NR2F1-AS1: variants seen among roughly 807,000 people sequenced by gnomAD.
The protein encoded by NR2F1-AS1 is NR2F1 antisense RNA 1.
At chr5:93,413,545 G>A (rs1748906790) in intron 4 of NR2F1-AS1, among the ~76,000 whole-genome samples, 1 of 152,138 alleles carries the variant, frequency 6.6e-6, no homozygotes, top group Non-Finnish European at 1.5e-5. Context: ...ACTTCTCTGA[G>A]CTGAGCTCAT....
At chr5:93,429,514 G>C (rs1019473874) in intron 4 of NR2F1-AS1, among the ~76,000 whole-genome samples, 4 of 152,184 alleles carry the variant, frequency 2.6e-5, no homozygotes, top group Non-Finnish European at 4.4e-5. Context: ...GAAATTTCAA[G>C]GGAGGAGGGA....
At chr5:93,531,691 T>G (rs766293474) in intron 4 of NR2F1-AS1, among the ~76,000 whole-genome samples, 29 of 152,168 alleles carry the variant, frequency 1.9e-4, no homozygotes, top group Non-Finnish European at 3.7e-4. Flanking sequence ...GCCTCACATC[T>G]TTATTAACAA....
chr5:93,427,936 T>C (rs996557871), intron 4 of NR2F1-AS1, among the ~76,000 whole-genome samples: 8 of 148,924 alleles, frequency 5.4e-5, no homozygotes, highest in Admixed American at 2.7e-4. Flanking sequence ...GAGAGAGAGG[T>C]GAGGGGAGAG....
intron 4 of NR2F1-AS1, among the ~76,000 whole-genome samples, chr5:93,512,670 T>C (rs1477642663): frequency 6.6e-6 from 1 of 152,100 alleles, no homozygotes; most frequent in African/African-American, 2.4e-5. Flanking sequence ...CCTATATAGG[T>C]GTACCATTTT....
At chr5:93,534,638 T>C (rs762035097) in intron 4 of NR2F1-AS1, among the ~76,000 whole-genome samples, 46 of 152,036 alleles carry the variant, frequency 3.0e-4, no homozygotes, top group Non-Finnish European at 4.3e-4. Flanking sequence ...ATTCAAATAA[T>C]GAGAAAAAAG....
intron 4 of NR2F1-AS1, among the ~76,000 whole-genome samples, chr5:93,412,261 G>A (rs998431416): frequency 3.9e-5 from 6 of 152,164 alleles, no homozygotes; most frequent in Non-Finnish European, 8.8e-5. Flanking sequence ...TCCTCAGCCT[G>A]GAATAAGATG....
At chr5:93,584,752 A>G (rs1485860040), upstream of NR2F1-AS1, 2 of 150,616 alleles carry the variant, frequency 1.3e-5, no homozygotes, top group Non-Finnish European at 3.0e-5. Context: ...GAAAGAAAAC[A>G]GCAGGAACCA....
chr5:93,514,172 A>G (rs1469410599), intron 4 of NR2F1-AS1, among the ~76,000 whole-genome samples: 1 of 152,112 alleles, frequency 6.6e-6, no homozygotes, highest in Non-Finnish European at 1.5e-5. Context: ...TACTTACAGG[A>G]ACACTTGTTT....
intron 4 of NR2F1-AS1, among the ~76,000 whole-genome samples, chr5:93,533,364 CAT>C (rs1397433334): frequency 6.6e-6 from 1 of 152,098 alleles, no homozygotes; most frequent in Admixed American, 6.5e-5. Flanking sequence ...GCACTCAAAA[CAT>C]AATTAAACTT....
At chr5:93,557,599 C>T (rs1467971520) in intron 2 of NR2F1-AS1, among the ~76,000 whole-genome samples, 1 of 151,990 alleles carries the variant, frequency 6.6e-6, no homozygotes, top group Non-Finnish European at 1.5e-5. Flanking sequence ...TGTGAATGAT[C>T]ATCTGAGCTT....
chr5:93,515,014 C>T (rs531926381), intron 4 of NR2F1-AS1, among the ~76,000 whole-genome samples: 1 of 151,752 alleles, frequency 6.6e-6, no homozygotes, highest in Admixed American at 6.6e-5. Flanking sequence ...TTTAATGCTT[C>T]CATTGATATC....
intron 1 of NR2F1-AS1, among the ~76,000 whole-genome samples, chr5:93,574,433 C>T (rs187572915): frequency 1.9e-3 from 286 of 152,298 alleles, no homozygotes; most frequent in African/African-American, 6.4e-3. Flanking sequence ...GGGTTCTCAA[C>T]TCACCCCTTG....
chr5:93,445,674 G>C (rs1349425996), intron 4 of NR2F1-AS1, among the ~76,000 whole-genome samples: 1 of 152,048 alleles, frequency 6.6e-6, no homozygotes, highest in Non-Finnish European at 1.5e-5. Flanking sequence ...AATATAAAAA[G>C]AGGGAATCCT....
chr5:93,490,158 G>C (rs1432917597), intron 4 of NR2F1-AS1, among the ~76,000 whole-genome samples: 1 of 151,800 alleles, frequency 6.6e-6, no homozygotes, highest in Non-Finnish European at 1.5e-5. Context: ...GATGATTCTA[G>C]CTTGTTAGTT....
intron 2 of NR2F1-AS1, among the ~76,000 whole-genome samples, chr5:93,559,242 T>C (rs1561502350): frequency 6.6e-6 from 1 of 152,254 alleles, no homozygotes; most frequent in Non-Finnish European, 1.5e-5. Flanking sequence ...TTTTATGTTC[T>C]GGAAACCACT....
chr5:93,502,878 G>C (rs1385771510), intron 4 of NR2F1-AS1, among the ~76,000 whole-genome samples: 2 of 152,126 alleles, frequency 1.3e-5, no homozygotes, highest in African/African-American at 4.8e-5. Context: ...CTAGGGGCTG[G>C]ACAGTGTCAA....
chr5:93,508,753 A>C (rs1427337917), intron 4 of NR2F1-AS1, among the ~76,000 whole-genome samples: 2 of 152,152 alleles, frequency 1.3e-5, no homozygotes, highest in Non-Finnish European at 2.9e-5. Context: ...AGGTAAAAAC[A>C]AAAGAAATGA....
intron 4 of NR2F1-AS1, among the ~76,000 whole-genome samples, chr5:93,516,703 T>A (rs538648036): frequency 1.3e-5 from 2 of 152,084 alleles, no homozygotes; most frequent in South Asian, 4.1e-4. Context: ...TTCTGACTCT[T>A]CATCTTTTCA....
At chr5:93,485,770 C>A (rs1750700362) in intron 4 of NR2F1-AS1, among the ~76,000 whole-genome samples, 1 of 151,614 alleles carries the variant, frequency 6.6e-6, no homozygotes, top group Admixed American at 6.6e-5. Flanking sequence ...TGGGTATATA[C>A]CCAAAGGACT....
Sources: allele counts gnomAD v4.1 joint callset (sites outside exome capture counted in the v4.1 genomes callset), GRCh38; gene constraint gnomAD v4.1.1; transcripts MANE v1.5; gene names NCBI Gene and HGNC (gene_info 2026-07-23, HGNC 2026-07-21).